The following CARNMT1 variants were observed in gnomAD, a reference collection of about 807,000 sequenced individuals.
CARNMT1 encodes protein-L-histidine N-pros-methyltransferase CARNMT1.
Under a neutral mutation model 49.6 loss-of-function variants are expected in CARNMT1, and 28 were observed. That is an observed-to-expected ratio of 0.56 (90% CI 0.42 to 0.77). The LOEUF (loss-of-function observed/expected upper bound fraction) is 0.77. Ranked by LOEUF, CARNMT1 falls within the 30% of genes least tolerant of loss-of-function variation. The pLI is 0.00. For missense variants in CARNMT1, 421 were observed against 512.6 expected (o/e 0.82, Z 1.73); for synonymous variants, 178 against 175.0 (o/e 1.02, Z -0.13).
intron 3 of CARNMT1, chr9:75,009,965 A>G (rs998323847): frequency 6.6e-6 from 1 of 152,176 alleles, no homozygotes; most frequent in African/African-American, 2.4e-5. Context: ...AAGGTAGATC[A>G]TGTATACAAA....
At chr9:74,997,640 G>T (rs987787347) in intron 5 of CARNMT1, among the ~76,000 whole-genome samples, 1 of 151,798 alleles carries the variant, frequency 6.6e-6, no homozygotes, top group African/African-American at 2.4e-5. Flanking sequence ...TATCTCAGTG[G>T]TTTGTCTGTG....
chr9:75,021,243 T>C (rs1299481657), intron 1 of CARNMT1, among the ~76,000 whole-genome samples: 1 of 143,974 alleles, frequency 6.9e-6, no homozygotes, highest in Non-Finnish European at 1.5e-5. Flanking sequence ...AGAGTATATA[T>C]ACATAGTATA....
intron 5 of CARNMT1, among the ~76,000 whole-genome samples, chr9:74,997,126 T>C (rs1468444213): frequency 6.6e-6 from 1 of 152,170 alleles, no homozygotes; most frequent in East Asian, 1.9e-4. Flanking sequence ...ATGGTGTCTA[T>C]ACAAATGCTG....
chr9:75,001,786 T>C (rs1833366448), intron 3 of CARNMT1, among the ~76,000 whole-genome samples: 1 of 152,168 alleles, frequency 6.6e-6, no homozygotes, highest in African/African-American at 2.4e-5. Context: ...GCACTCTAAG[T>C]GGGAATTTCT....
chr9:75,009,296 A>C (rs1833615032), intron 3 of CARNMT1, among the ~76,000 whole-genome samples: 1 of 152,054 alleles, frequency 6.6e-6, no homozygotes, highest in Admixed American at 6.6e-5. Context: ...CTATTACTAG[A>C]GGTGCAATCA....
At chr9:75,020,776 TG>T (rs548462222) in intron 1 of CARNMT1, among the ~76,000 whole-genome samples, 1 of 152,078 alleles carries the variant, frequency 6.6e-6, no homozygotes, top group Non-Finnish European at 1.5e-5. Context: ...TGGCTTGGTG[TG>T]GGGGGCCCTT....
rs982715692 is a variant in CARNMT1, at chr9:74,984,755, G to T, written c.1128+152C>A. 5 of 584,088 alleles carry T rather than the reference G, an allele frequency of 8.6e-6. No individual in the cohort carries two copies. In the African/African-American group the frequency reaches 9.3e-5, roughly 11 times the overall value. 36.2% of individuals were successfully genotyped at this position (584,088 alleles called of 1,614,324 possible). On this transcript the variant is annotated intron_variant, in intron 7 of 7. Transcript: ENST00000376834. ...AAATCCCAAACATTTCTGGTCCCAA[G>T]CATTTTGAATAGGGGATACTCAACC... is the stretch of plus-strand genomic sequence containing the variant.
chr9:74,992,153 C>T (rs1333239131), intron 6 of CARNMT1, among the ~76,000 whole-genome samples: 1 of 151,832 alleles, frequency 6.6e-6, no homozygotes, highest in Admixed American at 6.6e-5. Flanking sequence ...ACGCCTGTAA[C>T]CCCAGCTACT....
At chr9:74,996,415 T>C (rs752686524) in intron 6 of CARNMT1, 32 bp downstream of exon 6, 8 of 1,113,786 alleles carry the variant, frequency 7.2e-6, no homozygotes, top group South Asian at 2.6e-5. Context: ...CAGATTAATA[T>C]ACAAAATTTT....
intron 1 of CARNMT1, among the ~76,000 whole-genome samples, chr9:75,021,267 T>C (rs947522065): frequency 7.0e-6 from 1 of 142,916 alleles, no homozygotes; most frequent in Non-Finnish European, 1.5e-5. Context: ...ATAGTATATA[T>C]GTATATATAC....
At chr9:75,017,594 AT>A (rs1258470252) in intron 1 of CARNMT1, 146 bp from the exon 2 acceptor site, 12 of 671,542 alleles carry the variant, frequency 1.8e-5, no homozygotes, top group Admixed American at 3.2e-5. Flanking sequence ...TTAAAAAGGC[AT>A]TAACTTATAA....
intron 3 of CARNMT1, among the ~76,000 whole-genome samples, chr9:75,007,728 C>CAAAAAAAAAAAAAA (rs201573769): frequency 1.3e-5 from 1 of 79,994 alleles, no homozygotes; most frequent in Non-Finnish European, 2.6e-5. Flanking sequence ...GACCCTGTCT[C>CAAAAAAAAAAAAAA]AAAAAAATAA....
In CARNMT1 at chr9:75,028,261, C is replaced by G. The variant is rs1325549057; in HGVS notation, c.-20G>C. On this transcript the variant is annotated 5_prime_UTR_variant, in exon 1 of 8. Transcript: ENST00000376834. Reference sequence around the variant, plus strand: ...CTGCATCGCCGCCGCGGCCCTCGGCCTGGCTCGCTTGCGTCTCTCCGCGAC... The same window carrying G: ...CTGCATCGCCGCCGCGGCCCTCGGCGTGGCTCGCTTGCGTCTCTCCGCGAC... 1 of 1,361,060 alleles carries G rather than the reference C, an allele frequency of 7.3e-7. No homozygotes were observed. Among genetic ancestry groups the G allele is most frequent in the Non-Finnish European group, 9.4e-7 (1 of 1,060,734 alleles). 84.3% of individuals were successfully genotyped at this position (1,361,060 alleles called of 1,614,324 possible).
At chr9:75,017,070 A>T in intron 2 of CARNMT1, 183 bp downstream of exon 2, 1 of 543,406 alleles carries the variant, frequency 1.8e-6, no homozygotes. Flanking sequence ...AAAGGAAAAC[A>T]AGTGAACAGA....
At chr9:75,024,009 A>G (rs1000582996) in intron 1 of CARNMT1, among the ~76,000 whole-genome samples, 2 of 152,120 alleles carry the variant, frequency 1.3e-5, no homozygotes, top group Non-Finnish European at 2.9e-5. Flanking sequence ...TTTTTCCCCA[A>G]TGGTGGTATC....
chr9:74,998,975 G>GA (rs550731689), intron 4 of CARNMT1, among the ~76,000 whole-genome samples, 199 bp from the exon 5 acceptor site: 2 of 150,138 alleles, frequency 1.3e-5, no homozygotes, highest in Non-Finnish European at 3.0e-5. Context: ...ATTAAAGACA[G>GA]AAAAAAAAAG....
intron 1 of CARNMT1, among the ~76,000 whole-genome samples, chr9:75,027,794 C>T (rs1822573842): frequency 1.3e-5 from 2 of 152,250 alleles, no homozygotes; most frequent in Admixed American, 6.5e-5. Flanking sequence ...AGACACGAGG[C>T]TGTGCAGCAG....
rs1463931706 is a variant in CARNMT1, at chr9:74,981,160, T to C, written c.*2607A>G. 1.3e-5 allele frequency: 2 copies of C among 152,178 alleles called. No homozygotes were observed. The highest frequency in any genetic ancestry group is 2.9e-5 in the Non-Finnish European group (2 of 67,992). The allele number at this position is 152,178 out of a possible 1,614,324, so 9.4% of individuals were successfully genotyped here. A position where few individuals can be genotyped will look rare whatever the true frequency, so the allele number is the denominator to read the frequency against. ...TTTTAGAATGAGAGTTACATATAAA[T>C]ACAGTACATTTTACAGTTACCAAAC... On this transcript the variant is annotated 3_prime_UTR_variant, in exon 8 of 8. Transcript: ENST00000376834.
intron 3 of CARNMT1, among the ~76,000 whole-genome samples, chr9:75,001,854 A>G (rs999418170): frequency 3.3e-5 from 5 of 152,194 alleles, no homozygotes; most frequent in African/African-American, 1.2e-4. Flanking sequence ...GTGGAGAAAA[A>G]GAAACACAAA....
Sources: gnomAD v4.1 joint callset for allele counts (sites outside exome capture counted in the v4.1 genomes callset) on GRCh38, gnomAD v4.1.1 for gene constraint, MANE v1.5 for transcripts, NCBI Gene and HGNC (gene_info 2026-07-23, HGNC 2026-07-21) for gene names.